The following ERC1 variants were observed in gnomAD, a reference collection of about 807,000 sequenced individuals.
ERC1 encodes ELKS/RAB6-interacting/CAST family member 1, also known as RAB6 interacting protein 2.
In ERC1, 56 loss-of-function variants were observed where a neutral mutation model predicts 132.0. That is an observed-to-expected ratio of 0.42 (90% CI 0.34 to 0.53). The LOEUF (loss-of-function observed/expected upper bound fraction) is 0.53, where lower values mean the gene tolerates loss of function less well. Among genes scored for constraint, ERC1 ranks in the 20% least tolerant of loss-of-function variants. The pLI is 0.03. For synonymous variants in ERC1, 478 were observed against 476.1 expected, an observed-to-expected ratio of 1.00 and a Z score of -0.05; for missense variants, 1,202 against 1,349.9, an observed-to-expected ratio of 0.89 and a Z score of 1.72.
intron 15 of ERC1, among the ~76,000 whole-genome samples, chr12:1,312,602 GC>G (rs2081387246): frequency 6.6e-6 from 1 of 152,146 alleles, no homozygotes; most frequent in African/African-American, 2.4e-5. Flanking sequence ...CAAGTGATCT[GC>G]CCAGTTTGCC....
chr12:1,355,097 A>G (rs1230644967), intron 15 of ERC1, among the ~76,000 whole-genome samples: 1 of 152,142 alleles, frequency 6.6e-6, no homozygotes, highest in African/African-American at 2.4e-5. Flanking sequence ...CAGGGGCCAG[A>G]TTGTAAACTT....
At chr12:1,389,087 C>T (rs368472946) in intron 16 of ERC1, among the ~76,000 whole-genome samples, 2 of 152,182 alleles carry the variant, frequency 1.3e-5, no homozygotes, top group African/African-American at 4.8e-5. Flanking sequence ...CCCACGGTCA[C>T]TACCCACAGA....
At chr12:1,250,077 G>C (rs948191948) in intron 13 of ERC1, among the ~76,000 whole-genome samples, 5 of 152,140 alleles carry the variant, frequency 3.3e-5, no homozygotes, top group African/African-American at 1.2e-4. Context: ...CATTGCACCT[G>C]GCATTTGGAG....
chr12:1,480,882 T>C (rs1160095689), intron 18 of ERC1: 6 of 702,398 alleles, frequency 8.5e-6, no homozygotes, highest in Non-Finnish European at 1.6e-5. Flanking sequence ...ACTGCCTTTT[T>C]TCATGTGATG....
chr12:1,263,932 C>T (rs1323943107), intron 14 of ERC1, among the ~76,000 whole-genome samples: 1 of 151,878 alleles, frequency 6.6e-6, no homozygotes, highest in Non-Finnish European at 1.5e-5. Context: ...TCAGGTGATC[C>T]ACCTGCCCCG....
At chr12:1,022,663 C>T (rs536833270) in intron 1 of ERC1, among the ~76,000 whole-genome samples, 41 of 152,082 alleles carry the variant, frequency 2.7e-4, no homozygotes, top group African/African-American at 9.4e-4. Context: ...CTCACGAGAT[C>T]GATTTTATTT....
intron 9 of ERC1, 23 bp from the exon 10 acceptor site, chr12:1,181,902 A>C: frequency 1.3e-6 from 2 of 1,595,036 alleles, no homozygotes; most frequent in Non-Finnish European, 1.7e-6. Context: ...ATTTCTTCAC[A>C]TGTTGATATA....
intron 15 of ERC1, among the ~76,000 whole-genome samples, chr12:1,302,644 G>A (rs951618003): frequency 1.5e-4 from 23 of 152,154 alleles, no homozygotes; most frequent in African/African-American, 5.6e-4. Flanking sequence ...GGCGAGTCAC[G>A]CAAATTTATT....
rs200296939 is a variant in ERC1 at position 1,181,956 on chromosome 12, G to C, written c.1907G>C (p.Arg636Thr). Residue 636 changes from arginine (R) to threonine (T), a missense_variant, in exon 10 of 19, where the codon AGG becomes ACG. By Grantham distance (71) the Arg-to-Thr change is moderately conservative. Transcript: ENST00000360905. ...ERTIERLKEQ[R>T]DRDEREKQEE... is the part of the protein sequence containing the mutation. The stretch of plus-strand genomic sequence containing the variant: ...ACAATTGAACGCTTAAAGGAGCAGA[G>C]GGACAGAGATGAGCGAGAGAAGCAA... 6.2e-7 allele frequency: 1 copy of C among 1,613,986 alleles called. No homozygotes were observed. Among genetic ancestry groups the C allele is most frequent in the Non-Finnish European group, 8.5e-7 (1 of 1,179,934 alleles).
At position 1,299,427 on chromosome 12, in the gene ERC1, G is replaced by A. The variant is rs78382284; in HGVS notation, c.2780+9415G>A. 4.7e-3 allele frequency among the ~76,000 whole-genome samples: 717 copies of A among 152,260 alleles called. 8 individuals are homozygous for A. The highest frequency in any genetic ancestry group is 0.017 in the African/African-American group (692 of 41,542). Reference sequence around the variant, plus strand: ...CTAAATACCATGGCTTAGAGAAGAAGGAATGTTAGGACTCGTTTTGAACTG... The same window carrying A: ...CTAAATACCATGGCTTAGAGAAGAAAGAATGTTAGGACTCGTTTTGAACTG... On this transcript the variant is annotated intron_variant, in intron 15 of 18. Coordinates refer to ENST00000360905, the MANE Select transcript of ERC1 (RefSeq NM_178040.4).
At chr12:1,486,505 A>C (rs904262490) in intron 18 of ERC1, among the ~76,000 whole-genome samples, 2 of 151,964 alleles carry the variant, frequency 1.3e-5, no homozygotes, top group African/African-American at 4.8e-5. Context: ...GCTCACTGCA[A>C]CCTCCGCCTC....
intron 16 of ERC1, among the ~76,000 whole-genome samples, chr12:1,394,366 C>G (rs1311925787): frequency 6.6e-6 from 1 of 152,174 alleles, no homozygotes; most frequent in African/African-American, 2.4e-5. Flanking sequence ...CGCCACTGCA[C>G]TCTAGCCTGG....
intron 14 of ERC1, among the ~76,000 whole-genome samples, chr12:1,267,779 A>G (rs781436499): frequency 1.3e-5 from 2 of 152,088 alleles, no homozygotes; most frequent in Non-Finnish European, 2.9e-5. Flanking sequence ...AATAATAATA[A>G]CAACATATTT....
At chr12:1,033,118 G>A (rs1436819033) in intron 2 of ERC1, among the ~76,000 whole-genome samples, 1 of 151,420 alleles carries the variant, frequency 6.6e-6, no homozygotes, top group African/African-American at 2.4e-5. Flanking sequence ...CTCACTGCAA[G>A]CTCCACCTCC....
At chr12:1,045,070 G>A (rs1256604881) in intron 2 of ERC1, among the ~76,000 whole-genome samples, 1 of 152,106 alleles carries the variant, frequency 6.6e-6, no homozygotes, top group Non-Finnish European at 1.5e-5. Flanking sequence ...GTATGAAGAT[G>A]ACTTAACAAG....
At chr12:1,395,547 T>C (rs11613252) in intron 16 of ERC1, among the ~76,000 whole-genome samples, 41,703 of 152,010 alleles carry the variant, frequency 0.27, 6,121 homozygotes, top group Middle Eastern at 0.34. Flanking sequence ...AAGTGCTAAA[T>C]ATACATGGTA....
chr12:1,401,203 G>T (rs552743667), intron 16 of ERC1, among the ~76,000 whole-genome samples: 1 of 151,804 alleles, frequency 6.6e-6, no homozygotes, highest in Non-Finnish European at 1.5e-5. Context: ...CAAAGTGCTG[G>T]GATTACAGGC....
At chr12:1,200,974 T>G (rs979205904) in intron 12 of ERC1, among the ~76,000 whole-genome samples, 6 of 152,220 alleles carry the variant, frequency 3.9e-5, no homozygotes, top group African/African-American at 1.4e-4. Context: ...ATATTTCTTT[T>G]ATATGTACAT....
chr12:1,400,939 T>G (rs1198766866), intron 16 of ERC1, among the ~76,000 whole-genome samples: 1 of 105,016 alleles, frequency 9.5e-6, no homozygotes, highest in African/African-American at 3.9e-5. Flanking sequence ...TTTTTTTTTT[T>G]TTTTTTTTTT....
Sources: gnomAD v4.1 joint callset for allele counts (sites outside exome capture counted in the v4.1 genomes callset) on GRCh38, gnomAD v4.1.1 for gene constraint, MANE v1.5 for transcripts, NCBI Gene and HGNC (gene_info 2026-07-23, HGNC 2026-07-21) for gene names.